The following FAM149A variants were observed in gnomAD, a reference collection of about 807,000 sequenced individuals.
FAM149A encodes protein FAM149A.
In FAM149A, 71 loss-of-function variants were observed where a neutral mutation model predicts 78.2. That is an observed-to-expected ratio of 0.91 (90% CI 0.75 to 1.11). The LOEUF is 1.11. FAM149A is among the 50% of genes least tolerant of loss of function. FAM149A has a pLI of 0.00. For synonymous variants in FAM149A, 446 were observed against 410.5 expected (o/e 1.09, Z -1.04); for missense variants, 1,036 against 971.0 (o/e 1.07, Z -0.89).
chr4:186,167,893 C>T (rs186822630), intron 13 of FAM149A, among the ~76,000 whole-genome samples: 83 of 152,198 alleles, frequency 5.5e-4, no homozygotes, highest in Non-Finnish European at 1.0e-3. Context: ...ACCTCTCTGG[C>T]CCTCAGCTTC....
intron 1 of FAM149A, chr4:186,132,234 G>T: frequency 1.0e-6 from 1 of 984,818 alleles, no homozygotes; most frequent in Non-Finnish European, 1.2e-6. Context: ...CATCAGTATT[G>T]TCATGAGACA....
In FAM149A at chr4:186,157,484, T is replaced by C. The variant is rs1036705511; in HGVS notation, c.1421-81T>C. The C allele has an allele frequency of 6.3e-6, 9 of 1,429,040 alleles. No homozygotes were observed. In the African/African-American group the frequency reaches 1.3e-4, roughly 20 times the overall value. The allele number at this position is 1,429,040 out of a possible 1,614,324, so 88.5% of individuals were successfully genotyped here. ...GCTCGTGGTAGCTCAAGCACACATA[T>C]TCTCTTTCAAGAGTGAATTTTAAGT... On this transcript the variant is annotated intron_variant, in intron 7 of 13. Transcript: ENST00000389354.
At chr4:186,169,784 G>A (rs1735377363) in intron 13 of FAM149A, 1 of 985,276 alleles carries the variant, frequency 1.0e-6, no homozygotes, top group Non-Finnish European at 1.2e-6. Context: ...AATCACATAT[G>A]GCCACTTAAC....
At chr4:186,124,833 T>C (rs1342821999) in intron 1 of FAM149A, among the ~76,000 whole-genome samples, 3 of 152,112 alleles carry the variant, frequency 2.0e-5, no homozygotes, top group Non-Finnish European at 4.4e-5. Flanking sequence ...CTTGAGGAAT[T>C]GCCACACTGT....
chr4:186,134,547 C>T (rs1197630388), intron 1 of FAM149A, among the ~76,000 whole-genome samples: 1 of 152,148 alleles, frequency 6.6e-6, no homozygotes, highest in Non-Finnish European at 1.5e-5. Flanking sequence ...AAAGAGGAAC[C>T]TCTGTGCTCT....
chr4:186,141,811 A>T (rs1262868067), intron 1 of FAM149A, among the ~76,000 whole-genome samples: 1 of 152,188 alleles, frequency 6.6e-6, no homozygotes, highest in African/African-American at 2.4e-5. Flanking sequence ...ATAGGGCTTT[A>T]AAAAATCATA....
intron 10 of FAM149A, 136 bp downstream of exon 10, chr4:186,163,769 G>A (rs895022936): frequency 5.3e-5 from 36 of 684,088 alleles, no homozygotes; most frequent in African/African-American, 5.2e-4. Context: ...AGTTCATTGA[G>A]CATTTAACAT....
Position 186,157,591 on chromosome 4 carries a change from A to G in FAM149A, c.1447A>G (p.Lys483Glu), listed in dbSNP as rs113168248. Residue 483 changes from lysine (K) to glutamate (E), a missense_variant, in exon 8 of 14, where the codon AAA becomes GAA. Lys to Glu is a moderately conservative substitution (Grantham distance 56, BLOSUM62 1). Coordinates refer to ENST00000389354, the MANE Select transcript of FAM149A (RefSeq NM_001367768.3). ...AGGGAAAAAACAGAGAGAAACATTG[A>G]AAGTGGCTGGAAACAGATTTCCGCA... 11,189 of 1,614,150 alleles carry G rather than the reference A, an allele frequency of 6.9e-3. 53 individuals carry two copies. The highest frequency in any genetic ancestry group is 8.4e-3 in the Non-Finnish European group (9,948 of 1,179,940).
intron 1 of FAM149A, among the ~76,000 whole-genome samples, chr4:186,147,255 C>T (rs150250143): frequency 8.5e-4 from 130 of 152,252 alleles, no homozygotes; most frequent in African/African-American, 2.9e-3. Flanking sequence ...TGGTGGTAGA[C>T]ACCTGTAGTC....
At chr4:186,158,184 C>T (rs559966721) in intron 8 of FAM149A, 8 of 1,280,016 alleles carry the variant, frequency 6.2e-6, no homozygotes, top group Middle Eastern at 6.2e-4. Flanking sequence ...ACCAGAGCCA[C>T]TCCAGCTGCT....
intron 8 of FAM149A, chr4:186,160,961 T>A: frequency 1.2e-6 from 1 of 826,444 alleles, no homozygotes; most frequent in Non-Finnish European, 1.5e-6. Flanking sequence ...TAGGAAGCTG[T>A]GAGAATTAAA....
intron 1 of FAM149A, among the ~76,000 whole-genome samples, chr4:186,141,477 A>G (rs2099325761): frequency 6.6e-6 from 1 of 152,206 alleles, no homozygotes; most frequent in Admixed American, 6.5e-5. Flanking sequence ...TTATATTTCT[A>G]CTGGGCAGTG....
intron 3 of FAM149A, among the ~76,000 whole-genome samples, chr4:186,150,586 A>AC (rs1733470810): frequency 8.4e-6 from 1 of 119,746 alleles, no homozygotes; most frequent in Non-Finnish European, 1.7e-5. Context: ...CGCCCGGCTA[A>AC]TTTTTTGTAT....
At chr4:186,166,649 T>TAAAAAA (rs76402174) in intron 11 of FAM149A, among the ~76,000 whole-genome samples, 1 of 105,034 alleles carries the variant, frequency 9.5e-6, no homozygotes, top group Non-Finnish European at 1.8e-5. Context: ...AGACTCTGTT[T>TAAAAAA]AAAAAAAAAA....
intron 8 of FAM149A, chr4:186,157,970 A>T (rs2126500886): frequency 6.6e-7 from 1 of 1,511,798 alleles, no homozygotes; most frequent in African/African-American, 1.4e-5. Flanking sequence ...GAGCCCACGC[A>T]GGCGGCACCA....
chr4:186,168,365 A>T (rs1479529128), intron 13 of FAM149A, among the ~76,000 whole-genome samples: 1 of 152,104 alleles, frequency 6.6e-6, no homozygotes, highest in African/African-American at 2.4e-5. Context: ...TTATTTATTT[A>T]TTTATTTTGA....
Position 186,105,020 on chromosome 4 carries a change from A to C in FAM149A, c.-57A>C. 1 of 1,251,224 alleles carries C rather than the reference A, an allele frequency of 8.0e-7. No individual in the cohort carries two copies. Among genetic ancestry groups the C allele is most frequent in the Non-Finnish European group, 1.0e-6 (1 of 972,838 alleles). 77.5% of individuals were successfully genotyped at this position (1,251,224 alleles called of 1,614,324 possible). The stretch of plus-strand genomic sequence containing the variant: ...CCCCGGCCCGGGCCGCCTCGGCCGG[A>C]TCTCCGCGGTCTGAACTCTCGGGCG... On this transcript the variant is annotated 5_prime_UTR_variant, in exon 1 of 14. Coordinates refer to ENST00000389354, the MANE Select transcript of FAM149A (RefSeq NM_001367768.3).
chr4:186,155,857 A>G (rs542206763), intron 6 of FAM149A, 143 bp from the exon 7 acceptor site: 11 of 559,712 alleles, frequency 2.0e-5, no homozygotes, highest in African/African-American at 1.9e-5. Flanking sequence ...AAAAAATTAT[A>G]TATGTTAAAA....
chr4:186,170,740 C>T (rs1005989408), intron 13 of FAM149A: 2 of 152,404 alleles, frequency 1.3e-5, no homozygotes, highest in South Asian at 4.1e-4. Flanking sequence ...GGAACCTTCC[C>T]CACTGAACAC....
Sources: allele counts gnomAD v4.1 joint callset (sites outside exome capture counted in the v4.1 genomes callset), GRCh38; gene constraint gnomAD v4.1.1; transcripts MANE v1.5; gene names NCBI Gene and HGNC (gene_info 2026-07-23, HGNC 2026-07-21).